BST1: variants seen among roughly 807,000 people sequenced by gnomAD.
The protein encoded by BST1 is bone marrow stromal cell antigen 1.
Under a neutral mutation model 40.6 loss-of-function variants are expected in BST1, and 49 were observed. That is an observed-to-expected ratio of 1.21 (90% CI 0.96 to 1.53). The LOEUF is 1.53. Among genes scored for constraint, BST1 ranks in the 40% most tolerant of loss-of-function variants. The probability of loss-of-function intolerance (pLI) is 0.00; values close to 1 mark genes in which losing one functional copy is unlikely to be tolerated. For synonymous variants in BST1, 157 were observed against 159.3 expected (o/e 0.99, Z 0.11); for missense variants, 423 against 395.9 (o/e 1.07, Z -0.58).
the BST1 span, among the ~76,000 whole-genome samples, chr4:15,764,234 T>TA: frequency 3.9e-5 from 6 of 151,950 alleles, no homozygotes; most frequent in Admixed American, 2.6e-4. Context: ...TGAAGTAAAA[T>TA]AAAAAAAATC....
At chr4:15,741,493 A>T (rs533451130), downstream of BST1, among the ~76,000 whole-genome samples, 5 of 152,290 alleles carry the variant, frequency 3.3e-5, no homozygotes, top group East Asian at 9.7e-4. Context: ...GGAATCTCCA[A>T]ACCTCCAAGG....
At chr4:15,758,546 T>C in the BST1 span, among the ~76,000 whole-genome samples, 1 of 152,224 alleles carries the variant, frequency 6.6e-6, no homozygotes, top group Middle Eastern at 3.2e-3. Context: ...TTAGCATTTT[T>C]TTGTCATGAG....
intron 8 of BST1, among the ~76,000 whole-genome samples, chr4:15,730,066 G>A (rs917238656): frequency 3.3e-5 from 5 of 152,074 alleles, no homozygotes; most frequent in African/African-American, 1.2e-4. Context: ...ATCGAGTCTG[G>A]GACATTAACT....
chr4:15,718,978 G>A lies in BST1; in HGVS notation c.776G>A (p.Cys259Tyr). ...AAGGACATGGGGTTCCAGTACAGCT[G>A]TATTAATGATTACCGGTAGGTGGCC... ...RLKDMGFQYS[C>Y]INDYRPVKLL... The change falls in exon 7 of 9, where the codon TGT (cysteine) becomes TAT (tyrosine). Residue 259 changes from cysteine to tyrosine, a missense_variant. Coordinates refer to ENST00000265016, the MANE Select transcript of BST1 (RefSeq NM_004334.3). 6.2e-7 allele frequency: 1 copy of A among 1,613,892 alleles called. No homozygotes were observed. Among genetic ancestry groups the A allele is most frequent in the Non-Finnish European group, 8.5e-7 (1 of 1,179,928 alleles).
In BST1 at chr4:15,731,779, T is replaced by C. The variant is rs772484777; in HGVS notation, c.891T>C (p.Tyr297=). Residue 297 remains tyrosine, a synonymous_variant, in exon 9 of 9, where the codon TAT becomes TAC. Transcript: ENST00000265016. ...AATQRKAPSL[Y]TEQRAGLIIP... ...CTCAAAGAAAAGCCCCAAGTCTTTA[T>C]ACAGAACAAAGGGCGGGTCTTATCA... is the stretch of plus-strand genomic sequence containing the variant. 47 of 1,613,632 alleles carry C rather than the reference T, an allele frequency of 2.9e-5. No homozygotes were observed. The highest frequency in any genetic ancestry group is 3.7e-5 in the Non-Finnish European group (44 of 1,179,882).
At chr4:15,714,706 T>C (rs771465633) in intron 4 of BST1, among the ~76,000 whole-genome samples, 1 of 152,234 alleles carries the variant, frequency 6.6e-6, no homozygotes, top group Non-Finnish European at 1.5e-5. Context: ...ATTTCTGGCT[T>C]GTCTTCTGAG....
chr4:15,726,815 C>G (rs1721137882), intron 8 of BST1, among the ~76,000 whole-genome samples: 1 of 152,072 alleles, frequency 6.6e-6, no homozygotes, highest in African/African-American at 2.4e-5. Context: ...GTTAGCTCCC[C>G]TGCTGCAGGA....
intron 3 of BST1, among the ~76,000 whole-genome samples, chr4:15,707,855 C>CTATA (rs1553863514): frequency 0.031 from 3,940 of 128,394 alleles, 104 homozygotes; most frequent in African/African-American, 0.056. Context: ...CTCTCTCTCT[C>CTATA]TATATATATA....
At chr4:15,705,483 G>A in intron 1 of BST1, 32 bp from the exon 2 acceptor site, 1 of 1,546,866 alleles carries the variant, frequency 6.5e-7, no homozygotes, top group Non-Finnish European at 8.7e-7. Flanking sequence ...ATGTGCATGT[G>A]TGTGTTCTTC....
intron 2 of BST1, among the ~76,000 whole-genome samples, chr4:15,706,572 T>TC (rs1719892031): frequency 6.6e-6 from 1 of 152,178 alleles, no homozygotes; most frequent in African/African-American, 2.4e-5. Context: ...TACCTCAAGT[T>TC]TAAGGAATGC....
chr4:15,753,673 G>A, the BST1 span, among the ~76,000 whole-genome samples: 1 of 152,266 alleles, frequency 6.6e-6, no homozygotes, highest in Non-Finnish European at 1.5e-5. Context: ...CAAAGGCAAT[G>A]ATGGGACATA....
At chr4:15,742,583 G>A (rs1484095098), downstream of BST1, among the ~76,000 whole-genome samples, 1 of 152,296 alleles carries the variant, frequency 6.6e-6, no homozygotes, top group East Asian at 1.9e-4. Flanking sequence ...ACACTAAATA[G>A]ACAAAGACAA....
At chr4:15,719,876 T>C (rs572082334) in intron 7 of BST1, among the ~76,000 whole-genome samples, 1 of 152,332 alleles carries the variant, frequency 6.6e-6, no homozygotes, top group African/African-American at 2.4e-5. Flanking sequence ...CTCAAGGCTG[T>C]TCTGTTATCT....
downstream of BST1, among the ~76,000 whole-genome samples, chr4:15,741,582 C>T (rs186853928): frequency 2.0e-5 from 3 of 152,206 alleles, no homozygotes; most frequent in East Asian, 5.8e-4. Flanking sequence ...ATAGCAGGGG[C>T]CCATTCTGGC....
chr4:15,723,031 G>A, intron 8 of BST1, 97 bp downstream of exon 8: 1 of 1,110,564 alleles, frequency 9.0e-7, no homozygotes, highest in Non-Finnish European at 1.4e-6. Context: ...ATCAGAGGCA[G>A]ATGTAAGTGT....
intron 3 of BST1, among the ~76,000 whole-genome samples, chr4:15,709,854 A>G (rs1034542697): frequency 6.6e-6 from 1 of 152,250 alleles, no homozygotes; most frequent in Non-Finnish European, 1.5e-5. Context: ...ATTCAAATAA[A>G]AACACATATA....
In BST1 at chr4:15,705,498, C is replaced by T. The variant is rs374851004; in HGVS notation, c.189-17C>T. 1 of 1,556,826 alleles carries T rather than the reference C, an allele frequency of 6.4e-7. No homozygotes were observed. The highest frequency in any genetic ancestry group is 1.4e-5 in the African/African-American group (1 of 72,672). On this transcript the variant is annotated splice_polypyrimidine_tract_variant and intron_variant, in intron 1 of 8. Transcript: ENST00000265016. ...ATGTGCATGTGTGTGTTCTTCCCAACTTGTACTTTTGCACAGGAACAAGAA... is the reference window on the plus strand; with the variant it reads ...ATGTGCATGTGTGTGTTCTTCCCAATTTGTACTTTTGCACAGGAACAAGAA...
At chr4:15,721,201 TC>T (rs796508258) in intron 7 of BST1, among the ~76,000 whole-genome samples, 16 of 152,198 alleles carry the variant, frequency 1.1e-4, no homozygotes, top group African/African-American at 3.1e-4. Context: ...CAAATCCAAC[TC>T]CAACCCAGAT....
intron 7 of BST1, 48 bp from the exon 8 acceptor site, chr4:15,722,827 G>C (rs1175857349): frequency 6.5e-7 from 1 of 1,549,652 alleles, no homozygotes; most frequent in East Asian, 2.3e-5. Flanking sequence ...ATGGTTGATG[G>C]ATGAAAGTTA....
Sources: gnomAD v4.1 joint callset for allele counts (sites outside exome capture counted in the v4.1 genomes callset) on GRCh38, gnomAD v4.1.1 for gene constraint, MANE v1.5 for transcripts, NCBI Gene and HGNC (gene_info 2026-07-23, HGNC 2026-07-21) for gene names.